Variants in NLGN1 observed in about 807,000 individuals in gnomAD.
The protein encoded by NLGN1 is neuroligin 1.
Under a neutral mutation model 65.5 loss-of-function variants are expected in NLGN1, and 12 were observed. That is an observed-to-expected ratio of 0.18 (90% CI 0.12 to 0.30). The LOEUF (loss-of-function observed/expected upper bound fraction) is 0.30. Ranked by LOEUF, NLGN1 falls within the 10% of genes least tolerant of loss-of-function variation. The pLI, the probability that NLGN1 is intolerant of heterozygous loss-of-function variation, is 1.00. For missense variants in NLGN1, 750 were observed against 1,007.1 expected (o/e 0.74, Z 3.46); for synonymous variants, 350 against 359.5 (o/e 0.97, Z 0.30).
intron 3 of NLGN1, among the ~76,000 whole-genome samples, chr3:173,787,042 C>A (rs112401360): frequency 0.044 from 6,700 of 151,186 alleles, 498 homozygotes; most frequent in African/African-American, 0.15. Context: ...ACGCCATTGC[C>A]CTCCAGTCTG....
intron 4 of NLGN1, among the ~76,000 whole-genome samples, chr3:174,264,713 C>A (rs1016342661): frequency 4.6e-5 from 7 of 151,948 alleles, no homozygotes; most frequent in Admixed American, 3.9e-4. Context: ...CAGCTTTGTT[C>A]CGTTGCTGGT....
chr3:173,981,761 T>G (rs1046033570), intron 4 of NLGN1, among the ~76,000 whole-genome samples: 4 of 152,132 alleles, frequency 2.6e-5, no homozygotes, highest in Non-Finnish European at 5.9e-5. Flanking sequence ...TTTTCTTACA[T>G]ATAATCATAT....
At chr3:173,498,862 G>A (rs1219957993) in intron 2 of NLGN1, among the ~76,000 whole-genome samples, 2 of 151,824 alleles carry the variant, frequency 1.3e-5, no homozygotes, top group African/African-American at 4.9e-5. Flanking sequence ...CTTTTGAGAA[G>A]TGTCTGTTCA....
intron 4 of NLGN1, among the ~76,000 whole-genome samples, chr3:173,855,401 G>T (rs917869271): frequency 5.3e-5 from 8 of 151,598 alleles, no homozygotes; most frequent in African/African-American, 1.7e-4. Context: ...TATCTATTTT[G>T]GTCAATTAAC....
chr3:174,198,031 G>C (rs1185176287), intron 4 of NLGN1, among the ~76,000 whole-genome samples: 2 of 151,860 alleles, frequency 1.3e-5, no homozygotes, highest in Non-Finnish European at 2.9e-5. Flanking sequence ...GTACTTTTGT[G>C]TTGTACATTT....
chr3:173,681,441 G>A (rs970864479), intron 3 of NLGN1, among the ~76,000 whole-genome samples: 1 of 152,138 alleles, frequency 6.6e-6, no homozygotes, highest in African/African-American at 2.4e-5. Flanking sequence ...GCTGTTATCA[G>A]TAATTGTAAG....
In NLGN1 at chr3:173,560,397, GGAA is replaced by G. The variant is rs1742514988; in HGVS notation, c.-320-43876_-320-43874del. Reference sequence around the variant, plus strand: ...GAAGAAAGAGAAGGAAATGAAAAAGGGAAGAAGAGGAAGGGAGGGAGGGAAAAG... The same window carrying G: ...GAAGAAAGAGAAGGAAATGAAAAAGGGAAGAGGAAGGGAGGGAGGGAAAAG... On this transcript the variant is annotated intron_variant, in intron 2 of 6. Coordinates refer to ENST00000457714, the Ensembl canonical transcript of NLGN1. Among the ~76,000 whole-genome samples, 3 of 152,010 alleles carry G rather than the reference GGAA, an allele frequency of 2.0e-5. No homozygotes were observed. In the South Asian group the frequency reaches 6.2e-4, roughly 32 times the overall value.
At chr3:174,286,773 G>C (rs1752167951), downstream of NLGN1, 1 of 151,464 alleles carries the variant, frequency 6.6e-6, no homozygotes, top group Non-Finnish European at 1.5e-5. Context: ...GTTCTGACTT[G>C]ATAGAAACAA....
intron 2 of NLGN1, among the ~76,000 whole-genome samples, chr3:173,524,309 T>G (rs1735275757): frequency 6.6e-6 from 1 of 152,182 alleles, no homozygotes; most frequent in African/African-American, 2.4e-5. Flanking sequence ...CCTAGATATT[T>G]TATTTTCTTT....
At chr3:174,012,627 T>G (rs1725782957) in intron 4 of NLGN1, among the ~76,000 whole-genome samples, 1 of 152,190 alleles carries the variant, frequency 6.6e-6, no homozygotes, top group African/African-American at 2.4e-5. Context: ...TGCCTTAACT[T>G]TAGAAACCAG....
intron 4 of NLGN1, among the ~76,000 whole-genome samples, chr3:174,090,234 G>C (rs1744243898): frequency 6.6e-6 from 1 of 152,140 alleles, no homozygotes; most frequent in Non-Finnish European, 1.5e-5. Context: ...ACTTTGGAAA[G>C]CTGAGGCGGG....
At chr3:173,579,740 G>A (rs1746086877) in intron 2 of NLGN1, among the ~76,000 whole-genome samples, 1 of 152,130 alleles carries the variant, frequency 6.6e-6, no homozygotes, top group Admixed American at 6.5e-5. Flanking sequence ...GCAGTAGTTA[G>A]AACTTACAAT....
chr3:174,211,086 C>A (rs560607229), intron 4 of NLGN1, among the ~76,000 whole-genome samples: 9 of 152,106 alleles, frequency 5.9e-5, no homozygotes, highest in African/African-American at 1.9e-4. Context: ...TGGTCTCGCT[C>A]GCTCAGGAGT....
chr3:173,662,981 C>G (rs918617734), intron 3 of NLGN1, among the ~76,000 whole-genome samples: 2 of 151,990 alleles, frequency 1.3e-5, no homozygotes, highest in African/African-American at 4.8e-5. Context: ...ATAAAGCACA[C>G]TGCAGGGAAG....
chr3:173,412,541 A>G (rs183878352), intron 1 of NLGN1, among the ~76,000 whole-genome samples: 1 of 114,240 alleles, frequency 8.8e-6, no homozygotes, highest in Non-Finnish European at 2.0e-5. Flanking sequence ...CAAATGCATA[A>G]AGTTCTGAGT....
At chr3:174,210,434 T>G (rs1418548995) in intron 4 of NLGN1, among the ~76,000 whole-genome samples, 1 of 152,116 alleles carries the variant, frequency 6.6e-6, no homozygotes, top group East Asian at 1.9e-4. Context: ...CCCTTCAAAG[T>G]GTATAGTAGG....
At chr3:174,114,454 C>A (rs1257155772) in intron 4 of NLGN1, among the ~76,000 whole-genome samples, 1 of 152,014 alleles carries the variant, frequency 6.6e-6, no homozygotes, top group Non-Finnish European at 1.5e-5. Flanking sequence ...TTCAAAACTC[C>A]CGGAAGTGCT....
At chr3:173,504,812 T>C (rs1731729241) in intron 2 of NLGN1, among the ~76,000 whole-genome samples, 1 of 152,116 alleles carries the variant, frequency 6.6e-6, no homozygotes, top group East Asian at 1.9e-4. Flanking sequence ...TTATCTTTTC[T>C]TCCTACCATT....
At chr3:173,859,454 T>C (rs1238425785) in intron 4 of NLGN1, among the ~76,000 whole-genome samples, 1 of 152,112 alleles carries the variant, frequency 6.6e-6, no homozygotes, top group Non-Finnish European at 1.5e-5. Context: ...CTACACCCAA[T>C]GTATTCAGAG....
Sources: allele counts gnomAD v4.1 joint callset (sites outside exome capture counted in the v4.1 genomes callset), GRCh38; gene constraint gnomAD v4.1.1; transcripts MANE v1.5; gene names NCBI Gene and HGNC (gene_info 2026-07-23, HGNC 2026-07-21).